ADAMTS19: variants seen among roughly 807,000 people sequenced by gnomAD.
The protein encoded by ADAMTS19 is ADAM metallopeptidase with thrombospondin type 1 motif 19.
Under a neutral mutation model 153.3 loss-of-function variants are expected in ADAMTS19, and 93 were observed. That is an observed-to-expected ratio of 0.61 (90% confidence interval 0.51 to 0.72). The LOEUF (loss-of-function observed/expected upper bound fraction) is 0.72. ADAMTS19 is among the 30% of genes least tolerant of loss of function. ADAMTS19 has a pLI of 0.00. For missense variants in ADAMTS19, 1,482 were observed against 1,552.1 expected (o/e 0.95, Z 0.76); for synonymous variants, 600 against 556.6 (o/e 1.08, Z -1.10).
chr5:129,631,334 T>C (rs886829960), intron 10 of ADAMTS19, among the ~76,000 whole-genome samples: 4 of 151,850 alleles, frequency 2.6e-5, no homozygotes, highest in Admixed American at 2.6e-4. Flanking sequence ...ATTTCCACAG[T>C]TGTCAGTGTT....
chr5:129,559,945 C>T (rs538448371), intron 7 of ADAMTS19, among the ~76,000 whole-genome samples: 2 of 152,266 alleles, frequency 1.3e-5, no homozygotes, highest in African/African-American at 4.8e-5. Context: ...AACCAGTTCT[C>T]TATCCTAATC....
intron 2 of ADAMTS19, among the ~76,000 whole-genome samples, chr5:129,477,701 C>T (rs1371739672): frequency 1.3e-5 from 2 of 152,176 alleles, no homozygotes; most frequent in East Asian, 1.9e-4. Context: ...CTGCTCTTGC[C>T]TTTGGCTGTG....
intron 19 of ADAMTS19, among the ~76,000 whole-genome samples, chr5:129,699,448 A>G (rs1242827278): frequency 6.6e-6 from 1 of 151,844 alleles, no homozygotes; most frequent in South Asian, 2.1e-4. Context: ...AAAGAAAGAC[A>G]TGTTTATCAA....
chr5:129,623,224 C>T (rs1230181309), intron 10 of ADAMTS19, among the ~76,000 whole-genome samples: 1 of 152,052 alleles, frequency 6.6e-6, no homozygotes, highest in Non-Finnish European at 1.5e-5. Flanking sequence ...AGTAATTACT[C>T]AGAGAGAACA....
At chr5:129,607,434 A>G (rs535975268) in intron 8 of ADAMTS19, among the ~76,000 whole-genome samples, 10 of 152,330 alleles carry the variant, frequency 6.6e-5, no homozygotes, top group African/African-American at 2.4e-4. Flanking sequence ...TATGTTGTAC[A>G]AGTGAATAAA....
chr5:129,716,609 T>C (rs189269083), intron 21 of ADAMTS19, among the ~76,000 whole-genome samples: 1 of 149,392 alleles, frequency 6.7e-6, no homozygotes, highest in East Asian at 2.0e-4. Flanking sequence ...TTCAAAATCC[T>C]CTCCCTACCT....
At chr5:129,704,417 G>A (rs1255677965) in intron 21 of ADAMTS19, 26 bp downstream of exon 21, 1 of 1,604,796 alleles carries the variant, frequency 6.2e-7, no homozygotes, top group African/African-American at 1.3e-5. Context: ...TATATTCTCA[G>A]TAATAGGTTT....
At chr5:129,667,337 G>A (rs74623915) in intron 16 of ADAMTS19, among the ~76,000 whole-genome samples, 1,663 of 152,126 alleles carry the variant, frequency 0.011, 31 homozygotes, top group African/African-American at 0.033. Flanking sequence ...CTATTGTTTT[G>A]CATGTTTATT....
intron 2 of ADAMTS19, among the ~76,000 whole-genome samples, chr5:129,507,232 C>T (rs975338658): frequency 1.3e-5 from 2 of 151,938 alleles, no homozygotes; most frequent in South Asian, 4.1e-4. Flanking sequence ...TTATTGGCAA[C>T]CTTGAAAACT....
At chr5:129,562,922 T>G (rs1406739309) in intron 7 of ADAMTS19, among the ~76,000 whole-genome samples, 1 of 152,150 alleles carries the variant, frequency 6.6e-6, no homozygotes, top group Admixed American at 6.5e-5. Flanking sequence ...ATCCAGGTTA[T>G]TCTTCTCTAT....
At chr5:129,541,889 C>T (rs1581061764) in intron 6 of ADAMTS19, among the ~76,000 whole-genome samples, 1 of 152,160 alleles carries the variant, frequency 6.6e-6, no homozygotes, top group African/African-American at 2.4e-5. Context: ...GTGATGTTCT[C>T]ATAAATATTT....
At chr5:129,673,283 C>T (rs2127100633) in intron 16 of ADAMTS19, among the ~76,000 whole-genome samples, 1 of 152,042 alleles carries the variant, frequency 6.6e-6, no homozygotes, top group Admixed American at 6.6e-5. Flanking sequence ...TCATTGCTTT[C>T]TTCTTTGCTA....
At chr5:129,592,676 CTT>C (rs1750197374) in intron 7 of ADAMTS19, among the ~76,000 whole-genome samples, 1 of 152,070 alleles carries the variant, frequency 6.6e-6, no homozygotes, top group Non-Finnish European at 1.5e-5. Flanking sequence ...TGACTTTACA[CTT>C]GAGCAAAATA....
At chr5:129,616,731 T>C (rs1751549548) in intron 8 of ADAMTS19, among the ~76,000 whole-genome samples, 1 of 152,060 alleles carries the variant, frequency 6.6e-6, no homozygotes. Context: ...TGTAGTTCAA[T>C]TGCAGTGTGA....
intron 6 of ADAMTS19, among the ~76,000 whole-genome samples, chr5:129,531,431 C>T (rs1262557671): frequency 6.6e-6 from 1 of 152,110 alleles, no homozygotes; most frequent in Non-Finnish European, 1.5e-5. Flanking sequence ...TCAAGACCAG[C>T]CTGCCTAACA....
intron 10 of ADAMTS19, among the ~76,000 whole-genome samples, chr5:129,635,868 T>G (rs886235296): frequency 1.3e-5 from 2 of 152,134 alleles, no homozygotes; most frequent in African/African-American, 4.8e-5. Flanking sequence ...AACCTGCACA[T>G]GTACCCCTGA....
chr5:129,508,196 A>G (rs952131102), intron 2 of ADAMTS19, among the ~76,000 whole-genome samples: 3 of 151,976 alleles, frequency 2.0e-5, no homozygotes, highest in African/African-American at 7.2e-5. Flanking sequence ...AGGTTTTAGT[A>G]TATGATTTAT....
In ADAMTS19 at chr5:129,477,245, A is replaced by C. The variant is rs572859500; in HGVS notation, c.747+15488A>C. ...TTCGAATGGTCAGAGGGAAACAGCC[A>C]AGTATCATTTGAAAGTCAGTTCCAA... On this transcript the variant is annotated intron_variant, in intron 2 of 22. Transcript: ENST00000274487. Among the ~76,000 whole-genome samples the C allele has an allele frequency of 4.6e-5, 7 of 152,328 alleles. No individual in the cohort carries two copies. The South Asian group carries it at 1.5e-3, about 32-fold the overall frequency.
intron 2 of ADAMTS19, among the ~76,000 whole-genome samples, chr5:129,502,696 T>G (rs961421340): frequency 2.6e-5 from 4 of 152,178 alleles, no homozygotes; most frequent in African/African-American, 9.7e-5. Context: ...AATTTCCTCT[T>G]ATGAAATCAC....
Sources: gnomAD v4.1 joint callset for allele counts (sites outside exome capture counted in the v4.1 genomes callset) on GRCh38, gnomAD v4.1.1 for gene constraint, MANE v1.5 for transcripts, NCBI Gene and HGNC (gene_info 2026-07-23, HGNC 2026-07-21) for gene names.